Variants in HDAC9 observed in about 807,000 individuals in gnomAD.
HDAC9 encodes histone deacetylase 9.
A neutral mutation model predicts 139.4 loss-of-function variants in HDAC9; 41 were observed. That is an observed-to-expected ratio of 0.29 (90% CI 0.23 to 0.38). HDAC9 has a LOEUF of 0.38. Ranked by LOEUF, HDAC9 falls within the 10% of genes least tolerant of loss-of-function variation. The probability of loss-of-function intolerance (pLI) is 1.00; values close to 1 mark genes in which losing one functional copy is unlikely to be tolerated. For synonymous variants in HDAC9, 517 were observed against 476.2 expected (o/e 1.09, Z -1.12); for missense variants, 1,147 against 1,297.0 (o/e 0.88, Z 1.78).
chr7:18,954,421 C>G (rs1169535934), intron 24 of HDAC9, 191 bp downstream of exon 24: 16 of 485,150 alleles, frequency 3.3e-5, no homozygotes, highest in South Asian at 1.4e-4. Flanking sequence ...CGTAGAGACT[C>G]TAGATTTAGA....
chr7:18,550,782 G>A (rs909978589), intron 2 of HDAC9, among the ~76,000 whole-genome samples: 1 of 152,134 alleles, frequency 6.6e-6, no homozygotes, highest in Non-Finnish European at 1.5e-5. Context: ...GGAGTAGAGT[G>A]GTGAGAGGAG....
chr7:18,471,249 C>G (rs1794700007), intron 1 of HDAC9, among the ~76,000 whole-genome samples: 1 of 152,164 alleles, frequency 6.6e-6, no homozygotes, highest in Non-Finnish European at 1.5e-5. Context: ...TGAATGAATA[C>G]ACATTTGTAT....
intron 2 of HDAC9, among the ~76,000 whole-genome samples, chr7:18,572,923 A>T (rs1321509227): frequency 6.6e-6 from 1 of 152,234 alleles, no homozygotes; most frequent in South Asian, 2.1e-4. Context: ...ATGGTTTGTT[A>T]TGACTGCTTA....
At chr7:18,694,701 C>T (rs1782911056) in intron 12 of HDAC9, among the ~76,000 whole-genome samples, 1 of 152,090 alleles carries the variant, frequency 6.6e-6, no homozygotes, top group African/African-American at 2.4e-5. Context: ...ATTTATTTCT[C>T]TGTGGTGTCC....
chr7:18,988,921 T>A (rs1305589952), intron 25 of HDAC9, among the ~76,000 whole-genome samples: 37 of 135,486 alleles, frequency 2.7e-4, no homozygotes, highest in Non-Finnish European at 4.5e-4. Flanking sequence ...GCTTGGTAGA[T>A]CTTCCTCCAT....
At chr7:18,399,600 A>C (rs1442708854) in intron 1 of HDAC9, among the ~76,000 whole-genome samples, 1 of 152,206 alleles carries the variant, frequency 6.6e-6, no homozygotes, top group East Asian at 1.9e-4. Flanking sequence ...AGTGATTGTC[A>C]TTCAAATAAA....
intron 21 of HDAC9, among the ~76,000 whole-genome samples, chr7:18,869,189 G>A (rs1798725637): frequency 8.0e-6 from 1 of 124,890 alleles, no homozygotes; most frequent in Non-Finnish European, 1.7e-5. Context: ...TGTGTGTGTT[G>A]CGGTAGGGGG....
chr7:18,502,175 C>T (rs1012700562), intron 2 of HDAC9, among the ~76,000 whole-genome samples: 1 of 152,148 alleles, frequency 6.6e-6, no homozygotes, highest in African/African-American at 2.4e-5. Flanking sequence ...TGACTCGTAG[C>T]AGTTTCAAGC....
chr7:18,912,651 G>A (rs1585294828), intron 22 of HDAC9, among the ~76,000 whole-genome samples: 1 of 151,940 alleles, frequency 6.6e-6, no homozygotes, highest in Non-Finnish European at 1.5e-5. Context: ...TGCACTGGAC[G>A]GTTCTCTATA....
chr7:18,538,517 C>T (rs1811625303), intron 2 of HDAC9, among the ~76,000 whole-genome samples: 1 of 152,014 alleles, frequency 6.6e-6, no homozygotes, highest in Admixed American at 6.6e-5. Context: ...TTATTTTTAC[C>T]CCTTACTAAC....
intron 22 of HDAC9, among the ~76,000 whole-genome samples, chr7:18,913,806 A>G (rs1326967962): frequency 6.6e-6 from 1 of 152,090 alleles, no homozygotes; most frequent in East Asian, 1.9e-4. Flanking sequence ...CCACGATTCA[A>G]TATAAGTACT....
chr7:18,857,909 G>T (rs59447442), intron 21 of HDAC9, among the ~76,000 whole-genome samples: 49 of 152,166 alleles, frequency 3.2e-4, no homozygotes, highest in African/African-American at 1.1e-3. Flanking sequence ...TACTTGAAAA[G>T]ATTTTTAAAA....
intron 6 of HDAC9, among the ~76,000 whole-genome samples, chr7:18,623,379 C>T (rs1400259316): frequency 2.0e-5 from 3 of 152,144 alleles, no homozygotes; most frequent in Admixed American, 6.5e-5. Context: ...TCAAACATTA[C>T]ACTAGGCAAA....
intron 1 of HDAC9, among the ~76,000 whole-genome samples, chr7:18,154,817 T>A (rs1787056184): frequency 6.6e-6 from 1 of 152,192 alleles, no homozygotes; most frequent in African/African-American, 2.4e-5. Context: ...TAAAGGTCTT[T>A]TGTGTTTGGC....
chr7:18,681,157 T>C lies in HDAC9; in HGVS notation c.1731+14681T>C, dbSNP rs116249393. On this transcript the variant is annotated intron_variant, in intron 12 of 25. Coordinates refer to ENST00000686413, the MANE Select transcript of HDAC9 (RefSeq NM_178425.4). ...TCATTCTAATTCAAGCCTTCTTCTT[T>C]GGTTCATGTGTGTATTTTTGTGTGA... 1.8e-3 allele frequency among the ~76,000 whole-genome samples: 272 copies of C among 152,158 alleles called. 1 individual carries two copies. Among genetic ancestry groups the C allele is most frequent in the Middle Eastern group, 6.8e-3 (2 of 294 alleles).
intron 1 of HDAC9, among the ~76,000 whole-genome samples, chr7:18,127,067 C>G (rs1051861989): frequency 6.6e-6 from 1 of 152,050 alleles, no homozygotes; most frequent in Non-Finnish European, 1.5e-5. Flanking sequence ...CCAAGTGATT[C>G]TCAGAGAATT....
intron 1 of HDAC9, among the ~76,000 whole-genome samples, chr7:18,154,842 C>A (rs1787058579): frequency 6.6e-6 from 1 of 152,124 alleles, no homozygotes; most frequent in Non-Finnish European, 1.5e-5. Flanking sequence ...TGATCATAAC[C>A]CATGCCTCCA....
intron 16 of HDAC9, among the ~76,000 whole-genome samples, chr7:18,784,856 C>G (rs1463946930): frequency 1.3e-5 from 2 of 151,980 alleles, no homozygotes; most frequent in East Asian, 3.9e-4. Context: ...TCCATGTACT[C>G]CCAGCCTGCC....
At chr7:18,326,353 T>C (rs575866873) in intron 1 of HDAC9, among the ~76,000 whole-genome samples, 1 of 152,206 alleles carries the variant, frequency 6.6e-6, no homozygotes, top group Admixed American at 6.5e-5. Context: ...CTTAGGAATT[T>C]TTACAATTTG....
Sources: gnomAD v4.1 joint callset for allele counts (sites outside exome capture counted in the v4.1 genomes callset) on GRCh38, gnomAD v4.1.1 for gene constraint, MANE v1.5 for transcripts, NCBI Gene and HGNC (gene_info 2026-07-23, HGNC 2026-07-21) for gene names.